Variants in AKT3 observed in about 807,000 individuals in gnomAD.
The protein encoded by AKT3 is AKT serine/threonine kinase 3.
Under a neutral mutation model 65.3 loss-of-function variants are expected in AKT3, and 15 were observed. The observed-to-expected ratio is 0.23, with a 90% CI of 0.15 to 0.35. AKT3 has a LOEUF of 0.35. Ranked by LOEUF, AKT3 falls within the 10% of genes least tolerant of loss-of-function variation. The probability of loss-of-function intolerance (pLI) is 1.00; values close to 1 mark genes in which losing one functional copy is unlikely to be tolerated. For missense variants in AKT3, 243 were observed against 576.5 expected (o/e 0.42, Z 5.92); for synonymous variants, 206 against 183.8 (o/e 1.12, Z -0.98).
chr1:243,634,489 T>C, intron 6 of AKT3, among the ~76,000 whole-genome samples: 1 of 151,984 alleles, frequency 6.6e-6, no homozygotes, highest in East Asian at 1.9e-4. Context: ...TAACAATATA[T>C]TGTGATACAA....
chr1:243,755,476 A>G (rs1031083882), intron 2 of AKT3, among the ~76,000 whole-genome samples: 25 of 152,266 alleles, frequency 1.6e-4, no homozygotes, highest in Middle Eastern at 3.4e-3. Context: ...AAGTGTAAGC[A>G]TATCTTTGAA....
intron 11 of AKT3, among the ~76,000 whole-genome samples, chr1:243,551,362 A>G (rs1673049274): frequency 6.6e-6 from 1 of 152,222 alleles, no homozygotes; most frequent in African/African-American, 2.4e-5. Context: ...TATAAATAAT[A>G]TCTGCAGCTA....
chr1:243,645,372 G>A (rs1680729457), intron 5 of AKT3, among the ~76,000 whole-genome samples: 3 of 151,952 alleles, frequency 2.0e-5, no homozygotes, highest in Admixed American at 6.6e-5. Context: ...TATTATGCTG[G>A]AACACTGAGA....
At chr1:243,644,127 CTTA>C (rs1430362779) in intron 5 of AKT3, among the ~76,000 whole-genome samples, 1 of 152,072 alleles carries the variant, frequency 6.6e-6, no homozygotes, top group Non-Finnish European at 1.5e-5. Context: ...CAATATACAG[CTTA>C]TTTCTTTTTC....
At chr1:243,681,967 G>A (rs1038120127) in intron 3 of AKT3, among the ~76,000 whole-genome samples, 6 of 151,606 alleles carry the variant, frequency 4.0e-5, no homozygotes, top group Non-Finnish European at 8.8e-5. Context: ...CCTAATTTCC[G>A]ATGTATTAAT....
intron 2 of AKT3, among the ~76,000 whole-genome samples, chr1:243,840,714 A>ATTT (rs35797982): frequency 2.1e-4 from 32 of 149,510 alleles, no homozygotes; most frequent in Non-Finnish European, 4.6e-4. Context: ...AGAAAAGCTA[A>ATTT]TTTTTTTTTT....
At chr1:243,752,396 G>A (rs534820304) in intron 2 of AKT3, among the ~76,000 whole-genome samples, 67 of 152,206 alleles carry the variant, frequency 4.4e-4, no homozygotes, top group Non-Finnish European at 6.6e-4. Context: ...CAGCCTTTTT[G>A]TGGTCGATGC....
At chr1:243,734,637 G>A (rs1687744500) in intron 2 of AKT3, among the ~76,000 whole-genome samples, 1 of 152,180 alleles carries the variant, frequency 6.6e-6, no homozygotes, top group South Asian at 2.1e-4. Flanking sequence ...TGAATCACTG[G>A]TGAGTGAATA....
At chr1:243,719,351 C>A (rs1686729294) in intron 2 of AKT3, among the ~76,000 whole-genome samples, 1 of 152,160 alleles carries the variant, frequency 6.6e-6, no homozygotes, top group South Asian at 2.1e-4. Context: ...ACAAAACATT[C>A]CAAATTGTTC....
At chr1:243,743,864 G>A (rs974081782) in intron 2 of AKT3, among the ~76,000 whole-genome samples, 2 of 152,162 alleles carry the variant, frequency 1.3e-5, no homozygotes, top group Non-Finnish European at 2.9e-5. Flanking sequence ...ATATCACCAA[G>A]TGTTGGTGAA....
chr1:243,501,287 A>AAGTT lies in AKT3; in HGVS notation c.*3958_*3961dup. The AAGTT allele has an allele frequency of 4.3e-6, 1 of 233,124 alleles. No homozygotes were observed. The highest frequency in any genetic ancestry group is 1.8e-4 in the South Asian group (1 of 5,518). The allele number at this position is 233,124 out of a possible 1,614,324, so 14.4% of individuals were successfully genotyped here. A position where few individuals can be genotyped will look rare whatever the true frequency, so the allele number is the denominator to read the frequency against. On this transcript the variant is annotated 3_prime_UTR_variant, in exon 14 of 14. Transcript: ENST00000673466. The stretch of plus-strand genomic sequence containing the variant: ...CTACCCATCTACATCACCCACGTCT[A>AAGTT]AGTTTGTTAATTTGCCATGACATGT...
chr1:243,638,094 A>T (rs1025863417), intron 5 of AKT3, among the ~76,000 whole-genome samples: 2 of 152,228 alleles, frequency 1.3e-5, no homozygotes, highest in Non-Finnish European at 2.9e-5. Flanking sequence ...AAATGTGATA[A>T]TCAAAAATGT....
chr1:243,785,005 C>A (rs1691161953), intron 2 of AKT3, among the ~76,000 whole-genome samples: 1 of 152,066 alleles, frequency 6.6e-6, no homozygotes, highest in African/African-American at 2.4e-5. Flanking sequence ...TTAAGTGATC[C>A]TCCTGCCTCA....
chr1:243,703,627 C>T (rs1167950821), intron 2 of AKT3, among the ~76,000 whole-genome samples: 2 of 151,388 alleles, frequency 1.3e-5, no homozygotes, highest in African/African-American at 2.4e-5. Flanking sequence ...GGCGTGGTGG[C>T]GGGGCCCTTA....
At chr1:243,751,393 C>T (rs963501008) in intron 2 of AKT3, among the ~76,000 whole-genome samples, 1 of 152,184 alleles carries the variant, frequency 6.6e-6, no homozygotes, top group African/African-American at 2.4e-5. Flanking sequence ...ATCAAGAAAG[C>T]TTTAATAAGT....
At chr1:243,621,634 A>G (rs1678758757) in intron 6 of AKT3, among the ~76,000 whole-genome samples, 1 of 152,226 alleles carries the variant, frequency 6.6e-6, no homozygotes, top group Admixed American at 6.5e-5. Context: ...GCATGGATGT[A>G]TAATCAGTGA....
intron 2 of AKT3, among the ~76,000 whole-genome samples, chr1:243,769,430 T>TG (rs1287843267): frequency 6.6e-6 from 1 of 152,204 alleles, no homozygotes; most frequent in Non-Finnish European, 1.5e-5. Flanking sequence ...CAGCAGCGTA[T>TG]GGGGATTCCA....
chr1:243,637,647 A>C lies in AKT3; in HGVS notation c.525T>G (p.Ala175=), dbSNP rs994689740. Residue 175 remains alanine (A), a synonymous_variant, in exon 6 of 14, where the codon GCT becomes GCG. Coordinates refer to ENST00000673466, the MANE Select transcript of AKT3 (RefSeq NM_005465.7). ...VREKASGKYY[A]MKILKKEVII... is the part of the protein sequence containing the mutation. Reference sequence around the variant, plus strand: ...TGACTTCTTTCTTCAGAATCTTCATAGCATAGTATTTTCCACTTGCCTTCT... The same window carrying C: ...TGACTTCTTTCTTCAGAATCTTCATCGCATAGTATTTTCCACTTGCCTTCT... 18 of 1,604,086 alleles carry C rather than the reference A, an allele frequency of 1.1e-5. No individual in the cohort carries two copies. In the East Asian group the frequency reaches 3.8e-4, roughly 34 times the overall value.
At chr1:243,800,369 A>G (rs1312441353) in intron 2 of AKT3, among the ~76,000 whole-genome samples, 1 of 152,230 alleles carries the variant, frequency 6.6e-6, no homozygotes, top group Non-Finnish European at 1.5e-5. Flanking sequence ...TTTCTAACTA[A>G]GAGTGTTAGC....
Sources: gnomAD v4.1 joint callset for allele counts (sites outside exome capture counted in the v4.1 genomes callset) on GRCh38, gnomAD v4.1.1 for gene constraint, MANE v1.5 for transcripts, NCBI Gene and HGNC (gene_info 2026-07-23, HGNC 2026-07-21) for gene names.